TGFBR3: variants seen among roughly 807,000 people sequenced by gnomAD.
The protein encoded by TGFBR3 is transforming growth factor beta receptor 3, also known as transforming growth factor beta receptor type 3.
In TGFBR3, 46 loss-of-function variants were observed where a neutral mutation model predicts 87.9. The ratio of observed to expected loss-of-function variants is 0.52; its 90% CI spans 0.41 to 0.67. The LOEUF is 0.67. Ranked by LOEUF, TGFBR3 falls within the 30% of genes least tolerant of loss-of-function variation. TGFBR3 has a pLI of 0.00. For synonymous variants in TGFBR3, 381 were observed against 391.6 expected (o/e 0.97, Z 0.32); for missense variants, 866 against 1,041.9 (o/e 0.83, Z 2.32).
intron 2 of TGFBR3, among the ~76,000 whole-genome samples, chr1:91,835,805 G>A (rs1186948356): frequency 1.6e-5 from 2 of 127,956 alleles, no homozygotes; most frequent in Non-Finnish European, 3.2e-5. Flanking sequence ...TCCAGTCTGG[G>A]TGACAGAGCG....
intron 14 of TGFBR3, among the ~76,000 whole-genome samples, chr1:91,702,308 T>G (rs879268719): frequency 1.3e-5 from 2 of 152,132 alleles, no homozygotes; most frequent in Non-Finnish European, 1.5e-5. Flanking sequence ...TTGAGTACTT[T>G]CCCCAGCAAT....
At chr1:91,748,687 G>A (rs996518399) in intron 4 of TGFBR3, among the ~76,000 whole-genome samples, 9 of 151,886 alleles carry the variant, frequency 5.9e-5, no homozygotes, top group African/African-American at 2.2e-4. Context: ...CAGTGTGACT[G>A]TTCCCAATGA....
Position 91,859,701 on chromosome 1 carries a change from A to G in TGFBR3, c.61+1770T>C, listed in dbSNP as rs552000850. Among the ~76,000 whole-genome samples the G allele has an allele frequency of 2.3e-4, 35 of 152,112 alleles. No individual in the cohort carries two copies. The East Asian group carries it at 6.4e-3, about 28-fold the overall frequency. Reference sequence around the variant, plus strand: ...AGCACTTTGGGAGGCTGAGGCCAGGAGATCGAGACCAGCCTGGCTAACATG... The same window carrying G: ...AGCACTTTGGGAGGCTGAGGCCAGGGGATCGAGACCAGCCTGGCTAACATG... On this transcript the variant is annotated intron_variant, in intron 2 of 16. Coordinates refer to ENST00000212355, the MANE Select transcript of TGFBR3 (RefSeq NM_003243.5).
chr1:91,809,773 C>T (rs2101035785), intron 2 of TGFBR3, among the ~76,000 whole-genome samples: 1 of 152,246 alleles, frequency 6.6e-6, no homozygotes, highest in South Asian at 2.1e-4. Context: ...CTATTCCTTC[C>T]TCTTCAGGCT....
intron 2 of TGFBR3, among the ~76,000 whole-genome samples, chr1:91,839,933 G>C (rs1677205527): frequency 3.9e-5 from 6 of 152,146 alleles, no homozygotes. Flanking sequence ...GTAAAGCTGA[G>C]TGATAAGCCT....
At chr1:91,889,421 C>A (rs1461530682), upstream of TGFBR3, among the ~76,000 whole-genome samples, 1 of 152,054 alleles carries the variant, frequency 6.6e-6, no homozygotes, top group African/African-American at 2.4e-5. Flanking sequence ...TATAGACTGG[C>A]AAAATAAAAG....
At chr1:91,846,994 G>T (rs7545599) in intron 2 of TGFBR3, among the ~76,000 whole-genome samples, 1,750 of 152,286 alleles carry the variant, frequency 0.011, 30 homozygotes, top group African/African-American at 0.029. Context: ...TTCAAAAGCA[G>T]AATGACCACC....
chr1:91,689,840 TAAAA>T (rs545760131), intron 16 of TGFBR3, among the ~76,000 whole-genome samples: 1 of 99,278 alleles, frequency 1.0e-5, no homozygotes, highest in African/African-American at 3.7e-5. Flanking sequence ...AGAAACTGAT[TAAAA>T]AAAAAAAAAA....
intron 1 of TGFBR3, among the ~76,000 whole-genome samples, chr1:91,880,822 G>A (rs1445682080): frequency 2.0e-5 from 3 of 150,628 alleles, no homozygotes; most frequent in African/African-American, 4.9e-5. Flanking sequence ...GAGACCAGCC[G>A]AGGCAACATA....
chr1:91,764,731 T>C (rs1674111019), intron 3 of TGFBR3, among the ~76,000 whole-genome samples: 1 of 152,210 alleles, frequency 6.6e-6, no homozygotes, highest in Non-Finnish European at 1.5e-5. Flanking sequence ...AGATAGGTTG[T>C]GTGAATGGGG....
rs57326419 is a variant in TGFBR3 at position 91,835,827 on chromosome 1, C to CAAAAAAAA, written c.61+25636_61+25643dup. ...TGGGTGACAGAGCGAGACTCCACCTCAAAAAAAAAAAAAAAAAAAAAAAAA... is the reference window on the plus strand; with the variant it reads ...TGGGTGACAGAGCGAGACTCCACCTCAAAAAAAAAAAAAAAAAAAAAAAAAAAAAAAAA... On this transcript the variant is annotated intron_variant, in intron 2 of 16. Coordinates refer to ENST00000212355, the MANE Select transcript of TGFBR3 (RefSeq NM_003243.5). 2.0e-3 allele frequency among the ~76,000 whole-genome samples: 146 copies of CAAAAAAAA among 74,762 alleles called. 21 individuals are homozygous for CAAAAAAAA. The highest frequency in any genetic ancestry group is 3.6e-3 in the Non-Finnish European group (124 of 34,260). 49.0% of individuals were successfully genotyped at this position (74,762 alleles called of 152,430 possible). A position where few individuals can be genotyped will look rare whatever the true frequency, so the allele number is the denominator to read the frequency against.
chr1:91,870,278 C>A (rs1678535346), intron 1 of TGFBR3, among the ~76,000 whole-genome samples: 1 of 152,192 alleles, frequency 6.6e-6, no homozygotes, highest in African/African-American at 2.4e-5. Context: ...TAATCCCATC[C>A]TACTGTGAAC....
chr1:91,808,710 C>T (rs999768472), intron 2 of TGFBR3, among the ~76,000 whole-genome samples: 10 of 152,144 alleles, frequency 6.6e-5, no homozygotes, highest in Non-Finnish European at 1.0e-4. Context: ...AGGTGATCCA[C>T]CTGCCTCTGC....
At chr1:91,756,993 A>G (rs918669765) in intron 4 of TGFBR3, among the ~76,000 whole-genome samples, 1 of 152,232 alleles carries the variant, frequency 6.6e-6, no homozygotes, top group African/African-American at 2.4e-5. Context: ...ACATTGATAT[A>G]ATATTTTAAT....
At chr1:91,821,386 A>C (rs1571544398) in intron 2 of TGFBR3, among the ~76,000 whole-genome samples, 1 of 151,616 alleles carries the variant, frequency 6.6e-6, no homozygotes, top group African/African-American at 2.4e-5. Context: ...TTTTGCACCA[A>C]CCTAATACAT....
At chr1:91,894,660 C>T (rs1440149044) in intron 2 of TGFBR3, among the ~76,000 whole-genome samples, 1 of 152,260 alleles carries the variant, frequency 6.6e-6, no homozygotes, top group Non-Finnish European at 1.5e-5. Flanking sequence ...GGTTTCCCTC[C>T]CATCACACTG....
chr1:91,873,214 T>C (rs1678654726), intron 1 of TGFBR3, among the ~76,000 whole-genome samples: 2 of 151,016 alleles, frequency 1.3e-5, no homozygotes, highest in Admixed American at 1.3e-4. Context: ...CATATAATCC[T>C]CCTGCCTCAG....
Position 91,865,022 on chromosome 1 carries a change from G to A in TGFBR3, c.-113-3378C>T, listed in dbSNP as rs981617493. Among the ~76,000 whole-genome samples the A allele has an allele frequency of 3.3e-5, 5 of 151,928 alleles. No homozygotes were observed. In the South Asian group the frequency reaches 8.3e-4, roughly 25 times the overall value. ...GTTCAAGACCAGCCTGGCCAACCTG[G>A]CGAAACTCCAGCTCAACCAAAAATA... On this transcript the variant is annotated intron_variant, in intron 1 of 16. Coordinates refer to ENST00000212355, the MANE Select transcript of TGFBR3 (RefSeq NM_003243.5).
At position 91,851,581 on chromosome 1, in the gene TGFBR3, G is replaced by A. The variant is rs115694076; in HGVS notation, c.61+9890C>T. Among the ~76,000 whole-genome samples, 325 of 152,272 alleles carry A rather than the reference G, an allele frequency of 2.1e-3. 1 individual carries two copies. Among genetic ancestry groups the A allele is most frequent in the Non-Finnish European group, 3.6e-3 (247 of 68,020 alleles). On this transcript the variant is annotated intron_variant, in intron 2 of 16. Transcript: ENST00000212355. ...GGGTGATAAAGATACCTCCAGAGTT[G>A]GATTAATTACCAAAGCAAACAAGCT...
Sources: allele counts gnomAD v4.1 joint callset (sites outside exome capture counted in the v4.1 genomes callset), GRCh38; gene constraint gnomAD v4.1.1; transcripts MANE v1.5; gene names NCBI Gene and HGNC (gene_info 2026-07-23, HGNC 2026-07-21).